The following EDN1 variants were observed in gnomAD, a reference collection of about 807,000 sequenced individuals.
EDN1 encodes the protein endothelin 1.
In EDN1, 11 loss-of-function variants were observed where a neutral mutation model predicts 21.7. The ratio of observed to expected loss-of-function variants is 0.51; its 90% CI spans 0.32 to 0.84. The LOEUF (loss-of-function observed/expected upper bound fraction) is 0.84, where lower values mean the gene tolerates loss of function less well. Among genes scored for constraint, EDN1 ranks in the 40% least tolerant of loss-of-function variants. EDN1 has a pLI of 0.03. For synonymous variants in EDN1, 85 were observed against 90.6 expected (o/e 0.94, Z 0.35); for missense variants, 244 against 262.3 (o/e 0.93, Z 0.48).
At chr6:12,274,082 G>A in the EDN1 span, among the ~76,000 whole-genome samples, 18 of 152,176 alleles carry the variant, frequency 1.2e-4, no homozygotes, top group Non-Finnish European at 1.6e-4. Context: ...TCTCTTCAGA[G>A]CAGAGCAGGT....
At position 12,296,115 on chromosome 6, in the gene EDN1, G is replaced by A. The variant is rs777229607; in HGVS notation, c.*48G>A. 2.6e-6 allele frequency: 4 copies of A among 1,541,162 alleles called. No homozygotes were observed. The highest frequency in any genetic ancestry group is 3.6e-6 in the Non-Finnish European group (4 of 1,114,348). ...AGCCATAGCCTCCACGGAGAGCCCTGTGGCCGACTCTGCACTCTCCACCCT... is the reference window on the plus strand; with the variant it reads ...AGCCATAGCCTCCACGGAGAGCCCTATGGCCGACTCTGCACTCTCCACCCT... On this transcript the variant is annotated 3_prime_UTR_variant, in exon 5 of 5. Coordinates refer to ENST00000379375, the MANE Select transcript of EDN1 (RefSeq NM_001955.5).
the EDN1 span, among the ~76,000 whole-genome samples, chr6:12,268,520 C>G: frequency 6.6e-6 from 1 of 152,052 alleles, no homozygotes; most frequent in Non-Finnish European, 1.5e-5. Flanking sequence ...TCTAGTTTTA[C>G]TTTTCTGTAT....
chr6:12,257,299 T>G, the EDN1 span, among the ~76,000 whole-genome samples: 1 of 152,152 alleles, frequency 6.6e-6, no homozygotes, highest in Non-Finnish European at 1.5e-5. Context: ...ACTAGAAAAA[T>G]TTCCTAAATT....
chr6:12,242,290 T>C, the EDN1 span, among the ~76,000 whole-genome samples: 2 of 152,102 alleles, frequency 1.3e-5, no homozygotes, highest in Admixed American at 6.6e-5. Context: ...TGCTGAAAAG[T>C]GGTAGAGAGA....
In EDN1 at chr6:12,296,371, A is replaced by G; in HGVS notation, c.*304A>G. On this transcript the variant is annotated 3_prime_UTR_variant, in exon 5 of 5. Transcript: ENST00000379375. Reference sequence around the variant, plus strand: ...GGTGGCATCCTCCGGAGAGAGAGAGAGGAAGGAGATTCCACACAGGGGTGG... The same window carrying G: ...GGTGGCATCCTCCGGAGAGAGAGAGGGGAAGGAGATTCCACACAGGGGTGG... The G allele has an allele frequency of 8.9e-6, 3 of 338,948 alleles. No individual in the cohort carries two copies. The highest frequency in any genetic ancestry group is 3.9e-5 in the Admixed American group (1 of 25,812). 21.0% of individuals were successfully genotyped at this position (338,948 alleles called of 1,614,324 possible). A position where few individuals can be genotyped will look rare whatever the true frequency, so the allele number is the denominator to read the frequency against.
At position 12,294,103 on chromosome 6, in the gene EDN1, A is replaced by G; in HGVS notation, c.389+7A>G. 1.2e-6 allele frequency: 2 copies of G among 1,614,178 alleles called. No individual in the cohort carries two copies. Among genetic ancestry groups the G allele is most frequent in the Non-Finnish European group, 1.7e-6 (2 of 1,180,048 alleles). ...AAGCAGGAAAAGAACTCAGGTGAGC[A>G]GAAACACCTTTGCTTTTCAATCAGT... is the stretch of plus-strand genomic sequence containing the variant. On this transcript the variant is annotated splice_region_variant and intron_variant, in intron 3 of 4. Coordinates refer to ENST00000379375, the MANE Select transcript of EDN1 (RefSeq NM_001955.5).
At chr6:12,260,845 A>G in the EDN1 span, among the ~76,000 whole-genome samples, 2 of 152,164 alleles carry the variant, frequency 1.3e-5, no homozygotes, top group Non-Finnish European at 2.9e-5. Flanking sequence ...TTTTTGCACC[A>G]ATCTTGGCTA....
chr6:12,271,384 A>G, the EDN1 span, among the ~76,000 whole-genome samples: 11 of 152,150 alleles, frequency 7.2e-5, no homozygotes, highest in Admixed American at 2.6e-4. Flanking sequence ...TGGGGCTTAC[A>G]TAAAATATTG....
At chr6:12,289,502 G>A (rs934945227), upstream of EDN1, among the ~76,000 whole-genome samples, 1 of 152,078 alleles carries the variant, frequency 6.6e-6, no homozygotes, top group Non-Finnish European at 1.5e-5. Context: ...ATCAGCCCCT[G>A]TAGCTCTTCA....
the EDN1 span, among the ~76,000 whole-genome samples, chr6:12,240,668 C>T: frequency 6.6e-6 from 1 of 152,060 alleles, no homozygotes; most frequent in African/African-American, 2.4e-5. Context: ...TCTGGGAGTA[C>T]AGGGGTTGAG....
At chr6:12,293,841 G>T in intron 2 of EDN1, 100 bp from the exon 3 acceptor site, 1 of 1,361,386 alleles carries the variant, frequency 7.3e-7, no homozygotes, top group Non-Finnish European at 1.0e-6. Flanking sequence ...AGTGCTATGT[G>T]ATGAGCTCCT....
chr6:12,296,030 G>C lies in EDN1; in HGVS notation c.602G>C (p.Arg201Thr), dbSNP rs1762815271. 1 of 1,613,954 alleles carries C rather than the reference G, an allele frequency of 6.2e-7. No homozygotes were observed. Among genetic ancestry groups the C allele is most frequent in the South Asian group, 1.1e-5 (1 of 91,086 alleles). Residue 201 changes from arginine (R) to threonine (T), a missense_variant, in exon 5 of 5, where the codon AGA becomes ACA. Physicochemically the swap from Arg to Thr is moderately conservative, Grantham distance 71. Coordinates refer to ENST00000379375, the MANE Select transcript of EDN1 (RefSeq NM_001955.5). ...HDPKLKGKPS[R>T]ERYVTHNRAH... The stretch of plus-strand genomic sequence containing the variant: ...CCCAAGCTGAAAGGCAAGCCCTCCA[G>C]AGAGCGTTATGTGACCCACAACCGA...
chr6:12,284,337 A>G, the EDN1 span, among the ~76,000 whole-genome samples: 1 of 152,140 alleles, frequency 6.6e-6, no homozygotes, highest in Non-Finnish European at 1.5e-5. Flanking sequence ...ATTTTTTGCC[A>G]CTAAATTTGA....
chr6:12,288,704 C>A (rs1040288451), upstream of EDN1, among the ~76,000 whole-genome samples: 1 of 152,102 alleles, frequency 6.6e-6, no homozygotes, highest in Non-Finnish European at 1.5e-5. Flanking sequence ...CCAGCTGTGA[C>A]TTCGAGGGAG....
the EDN1 span, among the ~76,000 whole-genome samples, chr6:12,274,037 C>T: frequency 6.6e-6 from 1 of 152,124 alleles, no homozygotes; most frequent in Non-Finnish European, 1.5e-5. Flanking sequence ...CATCTGTTAT[C>T]TTCACTTGGT....
At chr6:12,257,774 C>T in the EDN1 span, among the ~76,000 whole-genome samples, 5 of 151,994 alleles carry the variant, frequency 3.3e-5, no homozygotes, top group African/African-American at 4.8e-5. Context: ...GTTTTGGAAC[C>T]GGTTTGTCAT....
chr6:12,273,265 G>T, the EDN1 span, among the ~76,000 whole-genome samples: 1 of 152,164 alleles, frequency 6.6e-6, no homozygotes, highest in African/African-American at 2.4e-5. Flanking sequence ...TCAGGCCCGT[G>T]GAAAGTTTGT....
chr6:12,249,404 G>A, the EDN1 span, among the ~76,000 whole-genome samples: 1 of 151,936 alleles, frequency 6.6e-6, no homozygotes, highest in Non-Finnish European at 1.5e-5. Flanking sequence ...TACTTGACAT[G>A]AATATGTGCT....
At chr6:12,264,259 A>T in the EDN1 span, among the ~76,000 whole-genome samples, 1 of 152,186 alleles carries the variant, frequency 6.6e-6, no homozygotes, top group Non-Finnish European at 1.5e-5. Context: ...TCTAAGAGAG[A>T]GCAACTCTGG....
Sources: allele counts gnomAD v4.1 joint callset (sites outside exome capture counted in the v4.1 genomes callset), GRCh38; gene constraint gnomAD v4.1.1; transcripts MANE v1.5; gene names NCBI Gene and HGNC (gene_info 2026-07-23, HGNC 2026-07-21).